Variants in CCDC91 observed in about 807,000 individuals in gnomAD.
CCDC91 encodes the protein coiled-coil domain-containing protein 91.
A neutral mutation model predicts 63.2 loss-of-function variants in CCDC91; 48 were observed. The observed-to-expected ratio is 0.76, with a 90% confidence interval of 0.60 to 0.97. The LOEUF is 0.97. Among genes scored for constraint, CCDC91 ranks in the 50% least tolerant of loss-of-function variants. The pLI is 0.00. For missense variants in CCDC91, 500 were observed against 494.6 expected (o/e 1.01, Z -0.10); for synonymous variants, 167 against 165.8 (o/e 1.01, Z -0.06).
At position 28,246,050 on chromosome 12, in the gene CCDC91, A is replaced by G. The variant is rs1453708474; in HGVS notation, c.-14-11152A>G. ...GGAAAGTGGCTGAATAAACTTTGGC[A>G]TATAATTAATATAGCAGCCAAAAGA... On this transcript the variant is annotated intron_variant, in intron 1 of 12. Transcript: ENST00000536442. 2.6e-5 allele frequency among the ~76,000 whole-genome samples: 4 copies of G among 152,314 alleles called. No homozygotes were observed. In the East Asian group the frequency reaches 7.7e-4, roughly 29 times the overall value.
At chr12:28,532,221 G>GT (rs775886658) in intron 12 of CCDC91, among the ~76,000 whole-genome samples, 12 of 152,080 alleles carry the variant, frequency 7.9e-5, no homozygotes, top group Non-Finnish European at 1.6e-4. Flanking sequence ...AGTAAAAAAG[G>GT]TGATGGCCCA....
intron 1 of CCDC91, among the ~76,000 whole-genome samples, chr12:28,222,471 T>C (rs945964970): frequency 1.3e-5 from 2 of 152,204 alleles, no homozygotes; most frequent in African/African-American, 4.8e-5. Context: ...ACTAGGGATA[T>C]GTACTATATT....
intron 1 of CCDC91, among the ~76,000 whole-genome samples, chr12:28,243,545 A>G (rs1247844284): frequency 1.3e-5 from 2 of 152,184 alleles, no homozygotes; most frequent in Non-Finnish European, 2.9e-5. Context: ...TTAAATTAAC[A>G]TTTGTGGTTA....
At chr12:28,276,616 T>C (rs1341376450) in intron 3 of CCDC91, among the ~76,000 whole-genome samples, 1 of 151,956 alleles carries the variant, frequency 6.6e-6, no homozygotes, top group Admixed American at 6.6e-5. Flanking sequence ...TGCTGAGTAC[T>C]GTTAGGTTCT....
At position 28,535,734 on chromosome 12, in the gene CCDC91, CAT is replaced by C. The variant is rs533293788; in HGVS notation, c.1216-13326_1216-13325del. On this transcript the variant is annotated intron_variant, in intron 12 of 12. Transcript: ENST00000536442. ...CTGAACTTTGTTCTCACCTATAAAA[CAT>C]ATGTGGGAAACGGGCCTGGTGCGGT... Among the ~76,000 whole-genome samples the C allele has an allele frequency of 1.3e-4, 20 of 152,202 alleles. No homozygotes were observed. In the South Asian group the frequency reaches 3.9e-3, roughly 30 times the overall value.
At chr12:28,276,279 A>G (rs1385525240) in intron 3 of CCDC91, among the ~76,000 whole-genome samples, 1 of 152,028 alleles carries the variant, frequency 6.6e-6, no homozygotes, top group Non-Finnish European at 1.5e-5. Context: ...TTCTTTAAAA[A>G]GAAAGGGAAT....
intron 12 of CCDC91, among the ~76,000 whole-genome samples, chr12:28,524,881 C>T (rs1941118973): frequency 6.6e-6 from 1 of 152,036 alleles, no homozygotes; most frequent in African/African-American, 2.4e-5. Context: ...GGTTTATGCA[C>T]ATAAAGGTGT....
chr12:28,400,157 T>C (rs1240626343), intron 8 of CCDC91, among the ~76,000 whole-genome samples: 1 of 152,156 alleles, frequency 6.6e-6, no homozygotes, highest in Non-Finnish European at 1.5e-5. Flanking sequence ...TCCTCTGAAA[T>C]CTAGGTGGAA....
At chr12:28,313,550 G>GT (rs1255881937) in intron 6 of CCDC91, among the ~76,000 whole-genome samples, 2 of 151,990 alleles carry the variant, frequency 1.3e-5, no homozygotes, top group Non-Finnish European at 2.9e-5. Flanking sequence ...TAAATGGAAT[G>GT]TTTGTAAAAC....
chr12:28,516,195 A>G (rs527584124), intron 12 of CCDC91, among the ~76,000 whole-genome samples: 33 of 152,032 alleles, frequency 2.2e-4, no homozygotes, highest in South Asian at 6.2e-4. Flanking sequence ...TTACCTGAAA[A>G]AGTTAATGAT....
chr12:28,344,916 T>C (rs1942700200), intron 6 of CCDC91, among the ~76,000 whole-genome samples: 1 of 152,162 alleles, frequency 6.6e-6, no homozygotes, highest in Non-Finnish European at 1.5e-5. Context: ...GCTGGTATTA[T>C]TATTTCCTCT....
chr12:28,527,242 A>AAG (rs1285240342), intron 12 of CCDC91, among the ~76,000 whole-genome samples: 1 of 152,160 alleles, frequency 6.6e-6, no homozygotes, highest in Non-Finnish European at 1.5e-5. Flanking sequence ...GCTCTGTCAG[A>AAG]AGAAGGTCTA....
intron 6 of CCDC91, among the ~76,000 whole-genome samples, chr12:28,347,232 C>A (rs1051513508): frequency 2.0e-5 from 3 of 152,162 alleles, no homozygotes; most frequent in Non-Finnish European, 2.9e-5. Context: ...GACAAATGCA[C>A]AGCTTTATTT....
intron 1 of CCDC91, among the ~76,000 whole-genome samples, chr12:28,240,693 C>T (rs1332472756): frequency 3.3e-5 from 5 of 151,328 alleles, no homozygotes; most frequent in African/African-American, 9.7e-5. Context: ...TTGCATGTAT[C>T]GGTAGTTCTT....
At chr12:28,534,532 A>C (rs1375624924) in intron 12 of CCDC91, among the ~76,000 whole-genome samples, 1 of 152,128 alleles carries the variant, frequency 6.6e-6, no homozygotes, top group Non-Finnish European at 1.5e-5. Context: ...TCAGTTTCTC[A>C]ACCAAATCCA....
rs1952350094 is a variant in CCDC91 at position 28,497,206 on chromosome 12, C to T, written c.1215+13041C>T. On this transcript the variant is annotated intron_variant, in intron 12 of 12. Coordinates refer to ENST00000536442, the MANE Select transcript of CCDC91 (RefSeq NM_018318.5). ...CTCTGTATTTATGTGTCCCTCTAAT[C>T]AATTAATCTGTTTCTTCTCTCCTTC... Among the ~76,000 whole-genome samples, 2 of 151,404 alleles carry T rather than the reference C, an allele frequency of 1.3e-5. 1 individual carries two copies. Among genetic ancestry groups the T allele is most frequent in the South Asian group, 4.2e-4 (2 of 4,806 alleles).
intron 1 of CCDC91, among the ~76,000 whole-genome samples, chr12:28,202,656 A>G (rs1942551558): frequency 6.6e-6 from 1 of 152,242 alleles, no homozygotes; most frequent in South Asian, 2.1e-4. Context: ...TTATAACTCT[A>G]CTTTAGCTTT....
At chr12:28,319,559 C>G (rs907547396) in intron 6 of CCDC91, 1 of 172,726 alleles carries the variant, frequency 5.8e-6, no homozygotes, top group African/African-American at 2.4e-5. Context: ...GCTCAAGTCC[C>G]TGATATAAAA....
At chr12:28,415,664 TTG>T (rs61077919) in intron 8 of CCDC91, among the ~76,000 whole-genome samples, 182 of 148,480 alleles carry the variant, frequency 1.2e-3, no homozygotes, top group South Asian at 7.9e-3. Context: ...AGATATATAT[TTG>T]TGTGTGTGTG....
Sources: allele counts gnomAD v4.1 joint callset (sites outside exome capture counted in the v4.1 genomes callset), GRCh38; gene constraint gnomAD v4.1.1; transcripts MANE v1.5; gene names NCBI Gene and HGNC (gene_info 2026-07-23, HGNC 2026-07-21).